GALNT10: variants seen among roughly 807,000 people sequenced by gnomAD.
GALNT10 encodes the protein polypeptide N-acetylgalactosaminyltransferase 10.
Under a neutral mutation model 75.0 loss-of-function variants are expected in GALNT10, and 41 were observed. The ratio of observed to expected loss-of-function variants is 0.55; its 90% confidence interval spans 0.43 to 0.71. GALNT10 has a LOEUF of 0.71. Ranked by LOEUF, GALNT10 falls within the 30% of genes least tolerant of loss-of-function variation. The probability of loss-of-function intolerance (pLI) is 0.00; values close to 1 mark genes in which losing one functional copy is unlikely to be tolerated. For missense variants in GALNT10, 727 were observed against 818.5 expected (o/e 0.89, Z 1.36); for synonymous variants, 302 against 313.0 (o/e 0.96, Z 0.37).
At chr5:154,349,762 G>A (rs1000619139) in intron 4 of GALNT10, 1 of 152,102 alleles carries the variant, frequency 6.6e-6, no homozygotes, top group Non-Finnish European at 1.5e-5. Flanking sequence ...CAGTATGTTA[G>A]TGTTTATGAG....
At chr5:154,365,896 G>A (rs1325363685) in intron 4 of GALNT10, among the ~76,000 whole-genome samples, 1 of 152,096 alleles carries the variant, frequency 6.6e-6, no homozygotes. Flanking sequence ...ACCACCTAGA[G>A]GCAATACACT....
rs574602986 is a variant in GALNT10, at chr5:154,250,515, A to G, written c.160-44301A>G. On this transcript the variant is annotated intron_variant, in intron 1 of 11. Coordinates refer to ENST00000297107, the MANE Select transcript of GALNT10 (RefSeq NM_198321.4). ...ATTCCTGCCACTTCTCTGTACTTAA[A>G]TGTACATGTACAGCATGTACTCCCC... Among the ~76,000 whole-genome samples, 18 of 152,260 alleles carry G rather than the reference A, an allele frequency of 1.2e-4. No individual in the cohort carries two copies. The East Asian group carries it at 3.3e-3, about 28-fold the overall frequency.
At chr5:154,337,107 C>T (rs11739458) in intron 4 of GALNT10, among the ~76,000 whole-genome samples, 23,887 of 152,058 alleles carry the variant, frequency 0.16, 2,031 homozygotes, top group Non-Finnish European at 0.19. Flanking sequence ...ATACTGTATA[C>T]GTTACTTTAC....
chr5:154,263,039 A>G lies in GALNT10; in HGVS notation c.160-31777A>G, dbSNP rs572903301. On this transcript the variant is annotated intron_variant, in intron 1 of 11. Coordinates refer to ENST00000297107, the MANE Select transcript of GALNT10 (RefSeq NM_198321.4). ...CGTGGAGAAATTGGAACCCTCAGAC[A>G]TTGCTGGTGGTTCTATAAGTGATGT... Among the ~76,000 whole-genome samples, 27 of 152,314 alleles carry G rather than the reference A, an allele frequency of 1.8e-4. 4 individuals are homozygous for G. The highest frequency in any genetic ancestry group is 1.5e-3 in the Admixed American group (23 of 15,290).
chr5:154,246,491 G>C (rs1753426593), intron 1 of GALNT10, among the ~76,000 whole-genome samples: 2 of 152,162 alleles, frequency 1.3e-5, no homozygotes, highest in Admixed American at 6.5e-5. Context: ...ACTTTTTAAT[G>C]ATTGCCATTC....
At chr5:154,413,342 T>C (rs1316990172) in intron 10 of GALNT10, among the ~76,000 whole-genome samples, 2 of 152,196 alleles carry the variant, frequency 1.3e-5, no homozygotes, top group African/African-American at 4.8e-5. Context: ...CGGGCCTCAT[T>C]CTCAACCTGG....
chr5:154,199,732 G>A (rs891682845), intron 1 of GALNT10, among the ~76,000 whole-genome samples: 1 of 152,136 alleles, frequency 6.6e-6, no homozygotes, highest in Non-Finnish European at 1.5e-5. Flanking sequence ...TTAGTATTGT[G>A]GAGACCCTGT....
chr5:154,371,758 T>C (rs13152924), intron 4 of GALNT10, among the ~76,000 whole-genome samples: 15,549 of 152,094 alleles, frequency 0.1, 1,960 homozygotes, highest in African/African-American at 0.3. Flanking sequence ...CCATTCTCCT[T>C]GCATTGGCTC....
intron 3 of GALNT10, among the ~76,000 whole-genome samples, chr5:154,321,874 G>A (rs997203928): frequency 7.2e-5 from 11 of 152,162 alleles, no homozygotes; most frequent in African/African-American, 2.7e-4. Flanking sequence ...TGAGACTCTG[G>A]GGTCAGTGTT....
chr5:154,323,898 G>C (rs1337990765), intron 3 of GALNT10, among the ~76,000 whole-genome samples: 6 of 152,192 alleles, frequency 3.9e-5, no homozygotes, highest in African/African-American at 1.4e-4. Flanking sequence ...GCAGCACTGG[G>C]AATTCCACCT....
rs368499125 is a variant in GALNT10 at position 154,371,564 on chromosome 5, A to G, written c.569-4713A>G. On this transcript the variant is annotated intron_variant, in intron 4 of 11. Coordinates refer to ENST00000297107, the MANE Select transcript of GALNT10 (RefSeq NM_198321.4). Reference sequence around the variant, plus strand: ...TGTGTGTGTGTGTGTGTGTGTGTGTACACACACACACACACACACGTGTGC... The same window carrying G: ...TGTGTGTGTGTGTGTGTGTGTGTGTGCACACACACACACACACACGTGTGC... Among the ~76,000 whole-genome samples, 51 of 45,286 alleles carry G rather than the reference A, an allele frequency of 1.1e-3. No individual in the cohort carries two copies. In the East Asian group the frequency reaches 0.014, roughly 12 times the overall value. The allele number at this position is 45,286 out of a possible 152,430, so 29.7% of individuals were successfully genotyped here.
At chr5:154,203,110 G>A (rs533908471) in intron 1 of GALNT10, among the ~76,000 whole-genome samples, 3 of 152,324 alleles carry the variant, frequency 2.0e-5, no homozygotes, top group South Asian at 2.1e-4. Context: ...AGTTAAGGGC[G>A]AGGGGAAGCC....
intron 3 of GALNT10, among the ~76,000 whole-genome samples, chr5:154,309,902 G>A (rs1754488050): frequency 6.6e-6 from 1 of 152,218 alleles, no homozygotes; most frequent in African/African-American, 2.4e-5. Flanking sequence ...TGTTTTTATT[G>A]TGGTTTTAAT....
intron 1 of GALNT10, among the ~76,000 whole-genome samples, chr5:154,293,342 T>C (rs370644066): frequency 1.3e-5 from 2 of 152,166 alleles, no homozygotes; most frequent in African/African-American, 4.8e-5. Flanking sequence ...AGTATTTACA[T>C]GAACATGGAA....
intron 1 of GALNT10, among the ~76,000 whole-genome samples, chr5:154,193,275 C>A (rs891034113): frequency 6.6e-6 from 1 of 152,216 alleles, no homozygotes; most frequent in African/African-American, 2.4e-5. Flanking sequence ...CTACAGGATT[C>A]AGCATTCATC....
intron 1 of GALNT10, among the ~76,000 whole-genome samples, chr5:154,245,337 T>C (rs1753405072): frequency 6.6e-6 from 1 of 152,196 alleles, no homozygotes; most frequent in African/African-American, 2.4e-5. Flanking sequence ...TGACAGCTGT[T>C]GTGCATTGAG....
At chr5:154,339,508 T>TA (rs376917544) in intron 4 of GALNT10, among the ~76,000 whole-genome samples, 9,354 of 140,046 alleles carry the variant, frequency 0.067, 355 homozygotes, top group Middle Eastern at 0.11. Context: ...TTGTGCATCT[T>TA]AAAAAAAAAA....
At chr5:154,220,845 T>G (rs1275082244) in intron 1 of GALNT10, among the ~76,000 whole-genome samples, 1 of 152,196 alleles carries the variant, frequency 6.6e-6, no homozygotes, top group African/African-American at 2.4e-5. Context: ...AGTCAGTCAT[T>G]ACTCAGCTCC....
rs2113235579 is a variant in GALNT10 at position 154,419,709 on chromosome 5, A to G, written c.*2737A>G. ...CTTGACTGGCTCCATTTCATGGACC[A>G]ACTGATCAATTGCCAGTACTAAGCC... is the stretch of plus-strand genomic sequence containing the variant. On this transcript the variant is annotated 3_prime_UTR_variant, in exon 12 of 12. Transcript: ENST00000297107. The G allele has an allele frequency of 6.6e-6, 1 of 152,372 alleles. No homozygotes were observed. The highest frequency in any genetic ancestry group is 1.9e-4 in the East Asian group (1 of 5,188). The allele number at this position is 152,372 out of a possible 1,614,324, so 9.4% of individuals were successfully genotyped here.
Sources: gnomAD v4.1 joint callset for allele counts (sites outside exome capture counted in the v4.1 genomes callset) on GRCh38, gnomAD v4.1.1 for gene constraint, MANE v1.5 for transcripts, NCBI Gene and HGNC (gene_info 2026-07-23, HGNC 2026-07-21) for gene names.